The following C20orf173 variants were observed in gnomAD, a reference collection of about 807,000 sequenced individuals.
The protein encoded by C20orf173 is uncharacterized protein C20orf173.
In C20orf173, 22 loss-of-function variants were observed where a neutral mutation model predicts 26.7. The observed-to-expected ratio is 0.82, with a 90% CI of 0.59 to 1.18. C20orf173 has a LOEUF of 1.18. Ranked by LOEUF, C20orf173 falls within the 50% of genes most tolerant of loss-of-function variation. The pLI, the probability that C20orf173 is intolerant of heterozygous loss-of-function variation, is 0.00. For synonymous variants in C20orf173, 85 were observed against 96.4 expected (o/e 0.88, Z 0.69); for missense variants, 210 against 250.3 (o/e 0.84, Z 1.09).
downstream of C20orf173, among the ~76,000 whole-genome samples, chr20:35,521,508 T>TGGGAGAGAGGAGA (rs1030427552): frequency 6.6e-6 from 1 of 151,912 alleles, no homozygotes; most frequent in Non-Finnish European, 1.5e-5. Context: ...TGCGGGAATC[T>TGGGAGAGAGGAGA]GGGAGAGAGG....
Position 35,529,206 on chromosome 20 carries a change from G to C in C20orf173, c.168C>G (p.Cys56Trp), listed in dbSNP as rs751037017. The C allele has an allele frequency of 7.7e-6, 12 of 1,551,698 alleles. No individual in the cohort carries two copies. Among genetic ancestry groups the C allele is most frequent in the Non-Finnish European group, 9.6e-6 (11 of 1,146,984 alleles). The change falls in exon 2 of 6, where the codon TGC becomes TGG. Residue 56 changes from cysteine (C) to tryptophan (W), a missense_variant. By Grantham distance (215) the Cys-to-Trp change is radical. Coordinates refer to ENST00000444723, the MANE Select transcript of C20orf173 (RefSeq NM_001145350.2). ...AGGAGCAGTTGAGGGTCTCAGAAGG[G>C]CAGCCACACTTCCCGGAACTGAACC... is the stretch of plus-strand genomic sequence containing the variant. ...CPWFSSGKCG[C>W]PSETLNCSSC...
In C20orf173 at chr20:35,528,468, C is replaced by A. The variant is rs1257664683; in HGVS notation, c.565G>T (p.Asp189Tyr). ...RKLSDLVWTS[D>Y]ALSDKILEDG... ...TCCATCACCTTATCACTTAGAGCAT[C>A]TGAAGTCCACACCAGGTCAGAGAGC... Residue 189 changes from aspartate to tyrosine, a missense_variant, in exon 4 of 6, where the codon GAT (aspartate) becomes TAT (tyrosine). Asp to Tyr is a radical substitution (Grantham distance 160). Transcript: ENST00000444723. 6.4e-7 allele frequency: 1 copy of A among 1,551,628 alleles called. No individual in the cohort carries two copies. Among genetic ancestry groups the A allele is most frequent in the Non-Finnish European group, 8.7e-7 (1 of 1,146,998 alleles).
At chr20:35,526,628 C>CAAAAA (rs1286748298), downstream of C20orf173, among the ~76,000 whole-genome samples, 1 of 53,540 alleles carries the variant, frequency 1.9e-5, no homozygotes, top group Non-Finnish European at 3.7e-5. Flanking sequence ...ACTCTTGTCT[C>CAAAAA]AAAAAAAAAA....
downstream of C20orf173, among the ~76,000 whole-genome samples, chr20:35,525,827 GCAGCTCTGCAA>G (rs2064499605): frequency 6.6e-6 from 1 of 152,222 alleles, no homozygotes; most frequent in Non-Finnish European, 1.5e-5. Flanking sequence ...CAGCTCAGCA[GCAGCTCTGCAA>G]TCCTATTTAT....
downstream of C20orf173, among the ~76,000 whole-genome samples, chr20:35,525,372 C>T (rs1448181978): frequency 3.9e-5 from 6 of 152,006 alleles, no homozygotes; most frequent in East Asian, 7.8e-4. Context: ...GCCAACATGG[C>T]GAAACCCAGT....
rs865832148 is a variant in C20orf173 at position 35,528,479 on chromosome 20, A to G, written c.554T>C (p.Val185Ala). 16 of 1,551,656 alleles carry G rather than the reference A, an allele frequency of 1.0e-5. No homozygotes were observed. Among genetic ancestry groups the G allele is most frequent in the Middle Eastern group, 1.7e-4 (1 of 5,992 alleles). The change falls in exon 4 of 6, where the codon GTG becomes GCG. Residue 185 changes from valine to alanine, a missense_variant. Physicochemically the swap from Val to Ala is moderately conservative, Grantham distance 64 (BLOSUM62 0). Coordinates refer to ENST00000444723, the MANE Select transcript of C20orf173 (RefSeq NM_001145350.2). Reference sequence around the variant, plus strand: ...ATCACTTAGAGCATCTGAAGTCCACACCAGGTCAGAGAGCTTCCGCAGTAG... The same window carrying G: ...ATCACTTAGAGCATCTGAAGTCCACGCCAGGTCAGAGAGCTTCCGCAGTAG... ...EMLLRKLSDL[V>A]WTSDALSDKI...
chr20:35,529,008 A>G (rs1021965105), intron 2 of C20orf173, 57 bp downstream of exon 2: 18 of 1,535,730 alleles, frequency 1.2e-5, no homozygotes, highest in Middle Eastern at 1.7e-4. Context: ...AAAGTGGGAG[A>G]TGGGTGAGGC....
rs899792379 is a variant in C20orf173 at position 35,528,271 on chromosome 20, C to A, written c.596G>T (p.Gly199Val). 7.1e-6 allele frequency: 11 copies of A among 1,551,988 alleles called. No individual in the cohort carries two copies. Among genetic ancestry groups the A allele is most frequent in the Admixed American group, 2.0e-5 (1 of 50,978 alleles). ...DALSDKILEDGLVP is the reference protein window; with the variant it reads ...DALSDKILEDVLVP ...TCTTCCACTCCACTAGGGAACCAGA[C>A]CATCTTCCAAAATCTGAGAAAGAAT... is the stretch of plus-strand genomic sequence containing the variant. Residue 199 changes from glycine (G) to valine (V), a missense_variant, in exon 5 of 6, where the codon GGT becomes GTT. Physicochemically the swap from Gly to Val is moderately radical, Grantham distance 109 (BLOSUM62 -3). Coordinates refer to ENST00000444723, the MANE Select transcript of C20orf173 (RefSeq NM_001145350.2).
At chr20:35,525,364 C>T (rs2064497257), downstream of C20orf173, among the ~76,000 whole-genome samples, 1 of 152,024 alleles carries the variant, frequency 6.6e-6, no homozygotes, top group Non-Finnish European at 1.5e-5. Flanking sequence ...CCAGCCTGGC[C>T]AACATGGCGA....
At chr20:35,522,364 C>T (rs572761833), downstream of C20orf173, 1 of 152,646 alleles carries the variant, frequency 6.6e-6, no homozygotes, top group East Asian at 1.9e-4. Context: ...CTGTCACTCC[C>T]TACAGTGACC....
At chr20:35,527,700 C>A (rs2064513258) in intron 5 of C20orf173, among the ~76,000 whole-genome samples, 1 of 151,970 alleles carries the variant, frequency 6.6e-6, no homozygotes, top group African/African-American at 2.4e-5. Context: ...CTAACTGCAA[C>A]CTCTGCCTCC....
At chr20:35,525,778 T>A (rs553812387), downstream of C20orf173, among the ~76,000 whole-genome samples, 2 of 152,362 alleles carry the variant, frequency 1.3e-5, no homozygotes, top group South Asian at 2.1e-4. Context: ...CTGCTTCTTG[T>A]GGACAGGGCT....
downstream of C20orf173, among the ~76,000 whole-genome samples, chr20:35,521,606 C>T (rs1306720961): frequency 1.3e-5 from 2 of 148,364 alleles, no homozygotes; most frequent in Non-Finnish European, 3.0e-5. Flanking sequence ...CTTGGGAAGA[C>T]AGATTTTTTT....
At chr20:35,523,640 G>A (rs1311978216), downstream of C20orf173, among the ~76,000 whole-genome samples, 2 of 152,186 alleles carry the variant, frequency 1.3e-5, no homozygotes, top group Admixed American at 6.5e-5. Context: ...TGATATCAGG[G>A]ACTCATCACA....
chr20:35,522,331 C>A (rs1055004076), downstream of C20orf173: 1 of 152,612 alleles, frequency 6.6e-6, no homozygotes, highest in Non-Finnish European at 1.5e-5. Context: ...CAGTATCCAG[C>A]CAGGGTCTCT....
At chr20:35,528,629 A>AG in intron 3 of C20orf173, 72 bp downstream of exon 3, 1 of 1,544,816 alleles carries the variant, frequency 6.5e-7, no homozygotes, top group Non-Finnish European at 8.8e-7. Context: ...CATCTTGGGA[A>AG]GGGGAGCAGA....
chr20:35,524,029 T>G (rs554918422), downstream of C20orf173, among the ~76,000 whole-genome samples: 6 of 152,242 alleles, frequency 3.9e-5, no homozygotes, highest in East Asian at 1.2e-3. Flanking sequence ...ACTGTTTTTT[T>G]GTGGTTTTTG....
At chr20:35,526,256 A>T (rs1437396520), downstream of C20orf173, among the ~76,000 whole-genome samples, 1 of 152,182 alleles carries the variant, frequency 6.6e-6, no homozygotes, top group Non-Finnish European at 1.5e-5. Context: ...TCCATTAGGA[A>T]GAGCAGTTCA....
In C20orf173 at chr20:35,529,221, G is replaced by A. The variant is rs199813376; in HGVS notation, c.153C>T (p.Ser51=). The part of the protein sequence containing the change: ...PQHCDCPWFS[S]GKCGCPSETL... Reference sequence around the variant, plus strand: ...TCTCAGAAGGGCAGCCACACTTCCCGGAACTGAACCAAGGGCAGTCGCAAT... The same window carrying A: ...TCTCAGAAGGGCAGCCACACTTCCCAGAACTGAACCAAGGGCAGTCGCAAT... Residue 51 remains serine (S), a synonymous_variant, in exon 2 of 6, where the codon TCC becomes TCT. Coordinates refer to ENST00000444723, the MANE Select transcript of C20orf173 (RefSeq NM_001145350.2). 1,137 of 1,551,618 alleles carry A rather than the reference G, an allele frequency of 7.3e-4. 1 individual carries two copies. The highest frequency in any genetic ancestry group is 4.3e-3 in the Middle Eastern group (26 of 5,992).
Sources: gnomAD v4.1 joint callset for allele counts (sites outside exome capture counted in the v4.1 genomes callset) on GRCh38, gnomAD v4.1.1 for gene constraint, MANE v1.5 for transcripts, NCBI Gene and HGNC (gene_info 2026-07-23, HGNC 2026-07-21) for gene names.